SLC36A1: variants seen among roughly 807,000 people sequenced by gnomAD.
The protein encoded by SLC36A1 is proton-coupled amino acid transporter 1.
Under a neutral mutation model 47.5 loss-of-function variants are expected in SLC36A1, and 30 were observed. The observed-to-expected ratio is 0.63, with a 90% CI of 0.47 to 0.86. The LOEUF (loss-of-function observed/expected upper bound fraction) is 0.86, where lower values mean the gene tolerates loss of function less well. Ranked by LOEUF, SLC36A1 falls within the 40% of genes least tolerant of loss-of-function variation. SLC36A1 has a pLI of 0.00. For missense variants in SLC36A1, 517 were observed against 606.0 expected (o/e 0.85, Z 1.54); for synonymous variants, 255 against 249.7 (o/e 1.02, Z -0.20).
At chr5:151,401,270 A>G in the SLC36A1 span, among the ~76,000 whole-genome samples, 684 of 152,194 alleles carry the variant, frequency 4.5e-3, 7 homozygotes, top group African/African-American at 0.016. Flanking sequence ...CCTCTTATTT[A>G]TTGAATAGGG....
chr5:151,379,309 A>G, the SLC36A1 span, among the ~76,000 whole-genome samples: 1 of 152,126 alleles, frequency 6.6e-6, no homozygotes. Context: ...TCCTACTTTA[A>G]TTGAAATTTA....
chr5:151,470,755 T>A (rs1427937292), intron 7 of SLC36A1: 2 of 152,258 alleles, frequency 1.3e-5, no homozygotes, highest in African/African-American at 4.8e-5. Context: ...TACTGTTCAA[T>A]GTTTCTGAAT....
chr5:151,361,796 A>G, the SLC36A1 span, among the ~76,000 whole-genome samples: 2 of 152,184 alleles, frequency 1.3e-5, no homozygotes, highest in Non-Finnish European at 2.9e-5. Context: ...TCTTCTGTTT[A>G]TCTGGGAAAG....
chr5:151,401,364 G>C, the SLC36A1 span, among the ~76,000 whole-genome samples: 1 of 152,104 alleles, frequency 6.6e-6, no homozygotes, highest in Non-Finnish European at 1.5e-5. Flanking sequence ...TGTGTTCTCT[G>C]TTCTGTTCCA....
chr5:151,518,030 C>A, the SLC36A1 span, among the ~76,000 whole-genome samples: 1 of 152,058 alleles, frequency 6.6e-6, no homozygotes, highest in South Asian at 2.1e-4. Flanking sequence ...GAATTTAAAC[C>A]ATTAAGAAAG....
the SLC36A1 span, among the ~76,000 whole-genome samples, chr5:151,363,007 A>G: frequency 6.6e-6 from 1 of 152,112 alleles, no homozygotes; most frequent in African/African-American, 2.4e-5. Context: ...ATGTACACCT[A>G]TGTCTTTGTA....
At chr5:151,521,476 G>A in the SLC36A1 span, 4 of 1,614,252 alleles carry the variant, frequency 2.5e-6, no homozygotes, top group Non-Finnish European at 3.4e-6. Flanking sequence ...CTCCTTGGCT[G>A]AGTGAGTGAT....
chr5:151,463,786 A>G, intron 3 of SLC36A1, 143 bp downstream of exon 3: 1 of 676,146 alleles, frequency 1.5e-6, no homozygotes, highest in Non-Finnish European at 2.6e-6. Context: ...GAATTCAGAC[A>G]TTCATTCACT....
the SLC36A1 span, chr5:151,512,890 C>G: frequency 2.3e-6 from 1 of 438,534 alleles, no homozygotes. The surrounding 1 kb of genome is among the most constrained non-coding windows in gnomAD (Gnocchi z 4.1). Context: ...TGATCAAGAC[C>G]CTGTATTTTG....
chr5:151,379,058 G>A, the SLC36A1 span, among the ~76,000 whole-genome samples: 5 of 152,362 alleles, frequency 3.3e-5, no homozygotes, highest in African/African-American at 1.2e-4. Flanking sequence ...TTTCTCCCAG[G>A]TGGGGAGGTG....
chr5:151,419,186 C>A, the SLC36A1 span, among the ~76,000 whole-genome samples: 858 of 152,276 alleles, frequency 5.6e-3, 14 homozygotes, highest in East Asian at 0.027. Flanking sequence ...CAGTCTTGGG[C>A]AGTTTTTTAT....
At chr5:151,549,035 G>A in the SLC36A1 span, among the ~76,000 whole-genome samples, 5 of 152,058 alleles carry the variant, frequency 3.3e-5, no homozygotes, top group Admixed American at 3.3e-4. Context: ...CTACATGTTT[G>A]GTCACTGGTG....
At chr5:151,539,223 T>C in the SLC36A1 span, among the ~76,000 whole-genome samples, 1 of 152,178 alleles carries the variant, frequency 6.6e-6, no homozygotes, top group African/African-American at 2.4e-5. Context: ...TTTGCATGCA[T>C]ACCAATAACC....
chr5:151,529,145 T>G, the SLC36A1 span: 1 of 1,596,786 alleles, frequency 6.3e-7, no homozygotes, highest in African/African-American at 1.3e-5. Flanking sequence ...CCAGAGTTCT[T>G]GTCCCACAAA....
At chr5:151,378,514 TA>T in the SLC36A1 span, 3 of 219,006 alleles carry the variant, frequency 1.4e-5, no homozygotes, top group East Asian at 3.3e-4. Flanking sequence ...GGAAACATAA[TA>T]GGGGCAGAAG....
the SLC36A1 span, chr5:151,549,175 T>C: frequency 2.3e-6 from 2 of 872,862 alleles, no homozygotes; most frequent in Non-Finnish European, 3.5e-6. Context: ...CTAGAATTAT[T>C]GTTTGCCAAG....
the SLC36A1 span, chr5:151,509,491 G>C: frequency 6.5e-6 from 1 of 153,546 alleles, no homozygotes; most frequent in South Asian, 2.0e-4. Context: ...TACCACCTGA[G>C]CTCCGCCTTC....
upstream of SLC36A1, among the ~76,000 whole-genome samples, chr5:151,433,181 G>GTTGGCTTT (rs1453892659): frequency 5.8e-4 from 68 of 117,436 alleles, 1 homozygote; most frequent in Non-Finnish European, 8.6e-4. Context: ...AGGTAACCAG[G>GTTGGCTTT]TTGGCTTTCC....
chr5:151,527,437 CT>C, the SLC36A1 span: 2 of 1,463,584 alleles, frequency 1.4e-6, no homozygotes, highest in South Asian at 1.4e-5. Flanking sequence ...CTTCTGCCCC[CT>C]GAGTCATCAC....
Sources: allele counts gnomAD v4.1 joint callset (sites outside exome capture counted in the v4.1 genomes callset), GRCh38; gene constraint gnomAD v4.1.1; non-coding constraint Gnocchi (gnomAD v3.1); transcripts MANE v1.5; gene names NCBI Gene and HGNC (gene_info 2026-07-23, HGNC 2026-07-21).